The following HGD variants were observed in gnomAD, a reference collection of about 807,000 sequenced individuals.
HGD encodes homogentisate oxidase.
In HGD, 61 loss-of-function variants were observed where a neutral mutation model predicts 60.8. That is an observed-to-expected ratio of 1.00 (90% CI 0.82 to 1.24). The LOEUF is 1.24. Among genes scored for constraint, HGD ranks in the 50% most tolerant of loss-of-function variants. The probability of loss-of-function intolerance (pLI) is 0.00; values close to 1 mark genes in which losing one functional copy is unlikely to be tolerated. For synonymous variants in HGD, 212 were observed against 187.7 expected (o/e 1.13, Z -1.06); for missense variants, 542 against 547.1 (o/e 0.99, Z 0.09).
intron 11 of HGD, 29 bp downstream of exon 11, chr3:120,641,560 C>T: frequency 2.1e-6 from 3 of 1,457,466 alleles, no homozygotes; most frequent in Non-Finnish European, 2.9e-6. Context: ...GTTGCCTCAT[C>T]CCAAGGCCCC....
intron 4 of HGD, among the ~76,000 whole-genome samples, chr3:120,669,267 C>CAA (rs541407522): frequency 4.4e-4 from 64 of 146,270 alleles, no homozygotes; most frequent in African/African-American, 1.5e-3. Flanking sequence ...AGATTAAAAA[C>CAA]AAAAAAAAAA....
chr3:120,681,418 G>A (rs1026489488), intron 1 of HGD, among the ~76,000 whole-genome samples: 1 of 152,152 alleles, frequency 6.6e-6, no homozygotes, highest in Non-Finnish European at 1.5e-5. Context: ...CCTGGACTTC[G>A]CATTCAAACA....
At chr3:120,634,406 A>G (rs1176941141) in intron 12 of HGD, among the ~76,000 whole-genome samples, 1 of 152,120 alleles carries the variant, frequency 6.6e-6, no homozygotes. Flanking sequence ...ACCTGGGCAA[A>G]TTTAAGTGCC....
At chr3:120,664,426 C>CTTTTTTTTTT (rs71133513) in intron 4 of HGD, among the ~76,000 whole-genome samples, 1 of 118,820 alleles carries the variant, frequency 8.4e-6, no homozygotes. Context: ...TTTTTTCTTC[C>CTTTTTTTTTT]TTTTTTTTTT....
intron 6 of HGD, among the ~76,000 whole-genome samples, chr3:120,649,977 C>T (rs749480524): frequency 1.3e-5 from 2 of 152,024 alleles, no homozygotes; most frequent in Middle Eastern, 3.4e-3. Flanking sequence ...AGAAAAAAAA[C>T]GTGGGAAACA....
chr3:120,652,669 A>T lies in HGD; in HGVS notation c.283-18T>A, dbSNP rs752157530. On this transcript the variant is annotated intron_variant, in intron 4 of 13. Coordinates refer to ENST00000283871, the MANE Select transcript of HGD (RefSeq NM_000187.4). ...CATCTAAGCTGGAAAAAAAATACACATACAGAAAAATTACTTCACAAGGGT... is the reference window on the plus strand; with the variant it reads ...CATCTAAGCTGGAAAAAAAATACACTTACAGAAAAATTACTTCACAAGGGT... 2.0e-5 allele frequency: 31 copies of T among 1,577,934 alleles called. 1 individual carries two copies. The South Asian group carries it at 3.2e-4, about 16-fold the overall frequency.
intron 12 of HGD, 65 bp from the exon 13 acceptor site, chr3:120,633,393 T>G: frequency 6.2e-7 from 1 of 1,612,858 alleles, no homozygotes; most frequent in East Asian, 2.2e-5. Context: ...ACAAAGCCCC[T>G]TAAACATTAT....
At chr3:120,658,443 G>C (rs139607839) in intron 4 of HGD, among the ~76,000 whole-genome samples, 1 of 152,330 alleles carries the variant, frequency 6.6e-6, no homozygotes, top group African/African-American at 2.4e-5. Context: ...GTACACTGGT[G>C]TGAGGGGTGG....
At chr3:120,673,195 T>G (rs1301965422) in intron 3 of HGD, among the ~76,000 whole-genome samples, 2 of 152,142 alleles carry the variant, frequency 1.3e-5, no homozygotes, top group African/African-American at 2.4e-5. Context: ...TGTCCCTTAT[T>G]TTTTAGCTGA....
At chr3:120,670,271 C>T in intron 4 of HGD, 156 bp downstream of exon 4, 1 of 669,020 alleles carries the variant, frequency 1.5e-6, no homozygotes. Flanking sequence ...TAATACACCA[C>T]CCAAGTTTGA....
chr3:120,631,790 A>G (rs534718235), intron 13 of HGD, among the ~76,000 whole-genome samples: 2 of 152,208 alleles, frequency 1.3e-5, no homozygotes, highest in Non-Finnish European at 2.9e-5. Context: ...ACCCTCCGCC[A>G]TCAGGTATTC....
intron 11 of HGD, among the ~76,000 whole-genome samples, chr3:120,640,815 C>A (rs555377145): frequency 1.1e-4 from 17 of 152,170 alleles, no homozygotes; most frequent in South Asian, 1.0e-3. Context: ...GTAGGTTTGT[C>A]CCCCCAGAGA....
chr3:120,664,470 C>T (rs1386268986), intron 4 of HGD, among the ~76,000 whole-genome samples: 1 of 141,546 alleles, frequency 7.1e-6, no homozygotes, highest in Non-Finnish European at 1.5e-5. Flanking sequence ...CACTGTTGCC[C>T]AGGCTGGAGT....
At chr3:120,644,645 C>A (rs1941103835) in intron 9 of HGD, 2 of 1,520,922 alleles carry the variant, frequency 1.3e-6, no homozygotes, top group East Asian at 2.5e-5. Flanking sequence ...TTCACAAAAA[C>A]CAGCATTACT....
intron 11 of HGD, among the ~76,000 whole-genome samples, chr3:120,639,252 G>A (rs1414571488): frequency 6.6e-6 from 1 of 152,086 alleles, no homozygotes; most frequent in Non-Finnish European, 1.5e-5. Flanking sequence ...TCATGTTTAT[G>A]TCCATGGGTG....
At chr3:120,638,144 C>A (rs1334426532) in intron 12 of HGD, among the ~76,000 whole-genome samples, 1 of 152,158 alleles carries the variant, frequency 6.6e-6, no homozygotes, top group Non-Finnish European at 1.5e-5. Flanking sequence ...CCTGAGGCTT[C>A]ATTAGAAACA....
At chr3:120,665,120 T>TC (rs1194879024) in intron 4 of HGD, among the ~76,000 whole-genome samples, 8 of 152,198 alleles carry the variant, frequency 5.3e-5, no homozygotes, top group Non-Finnish European at 5.9e-5. Context: ...GAAGGGGATT[T>TC]CAGGATGGCA....
chr3:120,681,007 T>C (rs1708221081), intron 1 of HGD, among the ~76,000 whole-genome samples: 1 of 152,218 alleles, frequency 6.6e-6, no homozygotes, highest in Non-Finnish European at 1.5e-5. Flanking sequence ...AATGAAAGAA[T>C]GAGAGTTAAC....
At chr3:120,632,540 A>C (rs1376857314) in intron 13 of HGD, among the ~76,000 whole-genome samples, 1 of 152,232 alleles carries the variant, frequency 6.6e-6, no homozygotes, top group Non-Finnish European at 1.5e-5. Context: ...AAATGCAAAA[A>C]ACAGCTGAGA....
Sources: gnomAD v4.1 joint callset for allele counts (sites outside exome capture counted in the v4.1 genomes callset) on GRCh38, gnomAD v4.1.1 for gene constraint, MANE v1.5 for transcripts, NCBI Gene and HGNC (gene_info 2026-07-23, HGNC 2026-07-21) for gene names.